The following UGT1A3 variants were observed in gnomAD, a reference collection of about 807,000 sequenced individuals.
UGT1A3 encodes the protein UDP glucuronosyltransferase family 1 member A3.
UGT1A3 carries 31 observed loss-of-function variants against 41.0 expected under a neutral mutation model. The ratio of observed to expected loss-of-function variants is 0.76; its 90% CI spans 0.57 to 1.02. The LOEUF (loss-of-function observed/expected upper bound fraction) is 1.02. Ranked by LOEUF, UGT1A3 falls within the 50% of genes least tolerant of loss-of-function variation. The pLI, the probability that UGT1A3 is intolerant of heterozygous loss-of-function variation, is 0.00. For synonymous variants in UGT1A3, 262 were observed against 257.6 expected (o/e 1.02, Z -0.17); for missense variants, 737 against 671.0 (o/e 1.10, Z -1.09).
At chr2:233,768,470 G>T (rs371026350) in intron 4 of UGT1A3, 31 bp downstream of exon 4, 1 of 1,602,728 alleles carries the variant, frequency 6.2e-7, no homozygotes, top group Non-Finnish European at 8.5e-7. Context: ...GAATACTTTG[G>T]TCATGGCATT....
rs1330207927 is a variant in UGT1A3, at chr2:233,729,341, A to G, written c.215A>G (p.Glu72Gly). The change falls in exon 1 of 5, where the codon GAG becomes GGG. Residue 72 changes from glutamate to glycine, a missense_variant. Transcript: ENST00000482026. ...TPEVNMHIKE[E>G]NFFTLTTYAI... ...GAGGTGAATATGCACATCAAAGAAG[A>G]GAACTTTTTCACCCTGACAACCTAT... 1.2e-6 allele frequency: 2 copies of G among 1,614,238 alleles called. No individual in the cohort carries two copies. The highest frequency in any genetic ancestry group is 1.7e-5 in the Admixed American group (1 of 60,036).
chr2:233,747,386 G>C, intron 1 of UGT1A3: 1 of 1,605,212 alleles, frequency 6.2e-7, no homozygotes, highest in Middle Eastern at 1.7e-4. Context: ...GCCACCAGGC[G>C]GTGGTCCTCA....
intron 1 of UGT1A3, chr2:233,760,727 T>G: frequency 6.2e-7 from 1 of 1,614,214 alleles, no homozygotes; most frequent in Non-Finnish European, 8.5e-7. Context: ...AGCTTTGATG[T>G]CATGCTGACG....
At chr2:233,734,087 C>A (rs2078476920) in intron 1 of UGT1A3, among the ~76,000 whole-genome samples, 1 of 151,836 alleles carries the variant, frequency 6.6e-6, no homozygotes, top group East Asian at 1.9e-4. Context: ...GCACATGCAC[C>A]CTAAAACTTA....
chr2:233,760,739 A>C, intron 1 of UGT1A3: 1 of 1,613,934 alleles, frequency 6.2e-7, no homozygotes, highest in Non-Finnish European at 8.5e-7. Context: ...ATGCTGACGG[A>C]CCCTTTCCTT....
At chr2:233,733,488 A>G (rs1340566594) in intron 1 of UGT1A3, among the ~76,000 whole-genome samples, 1 of 152,156 alleles carries the variant, frequency 6.6e-6, no homozygotes, top group African/African-American at 2.4e-5. Context: ...TTCCATCAAT[A>G]CCTAGTTTAT....
chr2:233,772,483 G>A lies in UGT1A3; in HGVS notation c.1529G>A (p.Cys510Tyr), dbSNP rs1700526717. The A allele has an allele frequency of 1.2e-6, 2 of 1,614,146 alleles. No individual in the cohort carries two copies. Among genetic ancestry groups the A allele is most frequent in the Non-Finnish European group, 1.7e-6 (2 of 1,180,048 alleles). Reference protein sequence around the residue: ...VLTVAFITFKCCAYGYRKCLG... With the variant: ...VLTVAFITFKYCAYGYRKCLG... ...ACAGTGGCCTTCATCACCTTTAAAT[G>A]TTGTGCTTATGGCTACCGGAAATGC... The change falls in exon 5 of 5, where the codon TGT becomes TAT. Residue 510 changes from cysteine to tyrosine, a missense_variant. Cys to Tyr is a radical substitution (Grantham distance 194, BLOSUM62 -2). Transcript: ENST00000482026.
At chr2:233,739,452 G>C (rs115541121) in intron 1 of UGT1A3, among the ~76,000 whole-genome samples, 1,700 of 152,308 alleles carry the variant, frequency 0.011, 37 homozygotes, top group African/African-American at 0.039. Flanking sequence ...AAGCCACAGG[G>C]TTGGAGCTGC....
intron 1 of UGT1A3, among the ~76,000 whole-genome samples, chr2:233,758,868 C>T (rs1697003822): frequency 1.3e-5 from 2 of 152,158 alleles, no homozygotes; most frequent in South Asian, 4.1e-4. Context: ...ACAATACTTG[C>T]CCCATAGTCC....
At chr2:233,743,063 C>G (rs1189998350) in intron 1 of UGT1A3, 2 of 336,472 alleles carry the variant, frequency 5.9e-6, no homozygotes, top group East Asian at 7.7e-5. Context: ...ACGATAAGAA[C>G]AGGTGTTGGC....
chr2:233,729,208 A>C lies in UGT1A3; in HGVS notation c.82A>C (p.Ser28Arg). Residue 28 changes from serine (S) to arginine (R), a missense_variant, in exon 1 of 5, where the codon AGT (serine) becomes CGT (arginine). Transcript: ENST00000482026. ...CCTCAGTGTCCAGCCCTGGGCTGAG[A>C]GTGGAAAGGTGTTGGTGGTGCCCAT... ...LLLSVQPWAE[S>R]GKVLVVPIDG... The C allele has an allele frequency of 6.2e-7, 1 of 1,614,056 alleles. No homozygotes were observed. Among genetic ancestry groups the C allele is most frequent in the Non-Finnish European group, 8.5e-7 (1 of 1,179,944 alleles).
At chr2:233,767,444 TAAA>T (rs1699395657) in intron 2 of UGT1A3, among the ~76,000 whole-genome samples, 1 of 152,186 alleles carries the variant, frequency 6.6e-6, no homozygotes, top group Non-Finnish European at 1.5e-5. Flanking sequence ...TATTTAAAAA[TAAA>T]ATAAATGGGA....
At chr2:233,752,528 TC>T (rs1436450769) in intron 1 of UGT1A3, 1 of 152,210 alleles carries the variant, frequency 6.6e-6, no homozygotes, top group African/African-American at 2.4e-5. Context: ...TTCTAAAAAT[TC>T]TTTAAATAAA....
intron 1 of UGT1A3, among the ~76,000 whole-genome samples, chr2:233,756,923 C>T (rs1696357970): frequency 1.3e-5 from 2 of 151,968 alleles, no homozygotes; most frequent in South Asian, 4.2e-4. Context: ...GTTTATATAA[C>T]CTCTAGTTAC....
intron 1 of UGT1A3, among the ~76,000 whole-genome samples, chr2:233,739,926 A>G (rs1487240865): frequency 2.0e-5 from 3 of 151,650 alleles, no homozygotes; most frequent in Non-Finnish European, 4.4e-5. Context: ...CATAATCCCC[A>G]TGTGTTAAGG....
At chr2:233,748,119 A>G (rs1693871947) in intron 1 of UGT1A3, 2 of 1,611,514 alleles carry the variant, frequency 1.2e-6, no homozygotes, top group Admixed American at 1.7e-5. Flanking sequence ...GTTCCAGGCA[A>G]AACAGTTTTT....
At chr2:233,770,024 C>A (rs1031341974) in intron 4 of UGT1A3, 31 of 161,058 alleles carry the variant, frequency 1.9e-4, no homozygotes, top group Non-Finnish European at 2.6e-4. Context: ...TCTTTCCCTG[C>A]ACTGTTGAAG....
At position 233,772,264 on chromosome 2, in the gene UGT1A3, A is replaced by G. The variant is rs766626435; in HGVS notation, c.1310A>G (p.Tyr437Cys). Reference sequence around the variant, plus strand: ...AACGAAACTGTCTTTGTGTTTAGTTACAAGGAGAACATCATGCGCCTCTCC... The same window carrying G: ...AACGAAACTGTCTTTGTGTTTAGTTGCAAGGAGAACATCATGCGCCTCTCC... Reference protein sequence around the residue: ...ALKAVINDKSYKENIMRLSSL... With the variant: ...ALKAVINDKSCKENIMRLSSL... The change falls in exon 5 of 5, where the codon TAC becomes TGC. Residue 437 changes from tyrosine to cysteine, a missense_variant and splice_region_variant. Tyr to Cys is a radical substitution (Grantham distance 194). Coordinates refer to ENST00000482026, the MANE Select transcript of UGT1A3 (RefSeq NM_019093.4). The G allele has an allele frequency of 2.5e-6, 4 of 1,614,262 alleles. No homozygotes were observed. Among genetic ancestry groups the G allele is most frequent in the Admixed American group, 1.7e-5 (1 of 60,030 alleles).
At chr2:233,749,564 G>C (rs1694221021) in intron 1 of UGT1A3, among the ~76,000 whole-genome samples, 1 of 151,822 alleles carries the variant, frequency 6.6e-6, no homozygotes, top group South Asian at 2.1e-4. Flanking sequence ...GTATTCAATA[G>C]TGAGGCCACT....
Sources: allele counts gnomAD v4.1 joint callset (sites outside exome capture counted in the v4.1 genomes callset), GRCh38; gene constraint gnomAD v4.1.1; transcripts MANE v1.5; gene names NCBI Gene and HGNC (gene_info 2026-07-23, HGNC 2026-07-21).